The following ERC2 variants were observed in gnomAD, a reference collection of about 807,000 sequenced individuals.
ERC2 encodes ELKS/RAB6-interacting/CAST family member 2.
Under a neutral mutation model 114.8 loss-of-function variants are expected in ERC2, and 42 were observed. The ratio of observed to expected loss-of-function variants is 0.37; its 90% CI spans 0.29 to 0.47. The LOEUF (loss-of-function observed/expected upper bound fraction) is 0.47. Ranked by LOEUF, ERC2 falls within the 20% of genes least tolerant of loss-of-function variation. The pLI is 0.99. For missense variants in ERC2, 939 were observed against 1,150.7 expected (o/e 0.82, Z 2.66); for synonymous variants, 454 against 425.5 (o/e 1.07, Z -0.82).
chr3:55,817,430 C>A lies in ERC2; in HGVS notation c.2564+70959G>T, dbSNP rs566389771. Among the ~76,000 whole-genome samples the A allele has an allele frequency of 2.5e-3, 376 of 152,364 alleles. 1 individual carries two copies. The highest frequency in any genetic ancestry group is 8.6e-3 in the African/African-American group (357 of 41,592). Reference sequence around the variant, plus strand: ...CCACAGCATCCCCAATTGGACACTCCTGAGAGTTCACCCAAGGGATGGGCG... The same window carrying A: ...CCACAGCATCCCCAATTGGACACTCATGAGAGTTCACCCAAGGGATGGGCG... On this transcript the variant is annotated intron_variant, in intron 14 of 17. Coordinates refer to ENST00000288221, the MANE Select transcript of ERC2 (RefSeq NM_015576.3).
chr3:56,273,455 G>C (rs945742242), intron 3 of ERC2, among the ~76,000 whole-genome samples: 1 of 151,752 alleles, frequency 6.6e-6, no homozygotes, highest in Non-Finnish European at 1.5e-5. Context: ...ATGTTGCCCA[G>C]GCTGGTCTCA....
At chr3:55,820,001 G>A (rs2060061768) in intron 14 of ERC2, among the ~76,000 whole-genome samples, 1 of 152,180 alleles carries the variant, frequency 6.6e-6, no homozygotes, top group Non-Finnish European at 1.5e-5. Context: ...CTCACTTTGA[G>A]GGGGCAAGTG....
chr3:56,232,217 C>T (rs531364933), intron 3 of ERC2, among the ~76,000 whole-genome samples: 80 of 151,392 alleles, frequency 5.3e-4, no homozygotes, highest in African/African-American at 1.8e-3. Flanking sequence ...AATCCTCCTG[C>T]CTCAGTCTCC....
chr3:56,268,172 T>C (rs191046622), intron 3 of ERC2, among the ~76,000 whole-genome samples: 30 of 152,302 alleles, frequency 2.0e-4, no homozygotes, highest in Admixed American at 1.1e-3. Context: ...TTTCTATGTT[T>C]AGAAATATTT....
intron 15 of ERC2, among the ~76,000 whole-genome samples, chr3:55,729,677 A>G (rs1169156336): frequency 6.6e-6 from 1 of 151,564 alleles, no homozygotes. Flanking sequence ...CTTCTAAAAA[A>G]TAATAATAAA....
Position 55,829,079 on chromosome 3 carries a change from C to T in ERC2, c.2564+59310G>A, listed in dbSNP as rs905688599. Among the ~76,000 whole-genome samples the T allele has an allele frequency of 2.0e-5, 3 of 152,104 alleles. No homozygotes were observed. In the East Asian group the frequency reaches 5.8e-4, roughly 29 times the overall value. ...CCAGGAAGTTGAGGCTGCACTGAGG[C>T]ATGATTGTGTCACTGTACTCCAGCC... On this transcript the variant is annotated intron_variant, in intron 14 of 17. Coordinates refer to ENST00000288221, the MANE Select transcript of ERC2 (RefSeq NM_015576.3).
intron 3 of ERC2, among the ~76,000 whole-genome samples, chr3:56,222,971 C>T (rs2050015059): frequency 6.6e-6 from 1 of 152,228 alleles, no homozygotes; most frequent in South Asian, 2.1e-4. Context: ...GACCATCATA[C>T]TTGTCTCCTC....
At chr3:56,043,295 G>C (rs1374313891) in intron 7 of ERC2, among the ~76,000 whole-genome samples, 2 of 151,982 alleles carry the variant, frequency 1.3e-5, no homozygotes, top group Non-Finnish European at 2.9e-5. Context: ...GTACACAAGG[G>C]GATCATTGTG....
At chr3:55,579,609 T>A (rs2057156926) in intron 17 of ERC2, among the ~76,000 whole-genome samples, 1 of 152,242 alleles carries the variant, frequency 6.6e-6, no homozygotes, top group Non-Finnish European at 1.5e-5. Flanking sequence ...CCTGTCAAAA[T>A]GCAAAGCTCT....
intron 5 of ERC2, among the ~76,000 whole-genome samples, chr3:56,146,740 C>T (rs1163169941): frequency 1.3e-5 from 2 of 152,146 alleles, no homozygotes; most frequent in Non-Finnish European, 1.5e-5. Flanking sequence ...TTGGTCACTC[C>T]TCAAGTCACT....
intron 14 of ERC2, among the ~76,000 whole-genome samples, chr3:55,790,972 G>A (rs1054108290): frequency 6.6e-6 from 1 of 152,230 alleles, no homozygotes; most frequent in Non-Finnish European, 1.5e-5. Flanking sequence ...GTGTGAGTTT[G>A]GGCAGGGGTG....
At chr3:56,369,043 T>G (rs2150581286) in intron 2 of ERC2, among the ~76,000 whole-genome samples, 1 of 152,276 alleles carries the variant, frequency 6.6e-6, no homozygotes, top group South Asian at 2.1e-4. Context: ...AGCACACAGC[T>G]GATGACCTCA....
At chr3:56,010,421 T>A (rs753506388) in intron 9 of ERC2, 28 bp downstream of exon 9, 2 of 1,609,544 alleles carry the variant, frequency 1.2e-6, no homozygotes, top group Non-Finnish European at 1.7e-6. Flanking sequence ...GGACTATCAA[T>A]GTGGTTCATT....
At chr3:55,748,655 G>T (rs1220089882) in intron 14 of ERC2, among the ~76,000 whole-genome samples, 1 of 152,208 alleles carries the variant, frequency 6.6e-6, no homozygotes, top group Admixed American at 6.5e-5. Flanking sequence ...GCTGGGCAAA[G>T]AATCCATGTG....
intron 14 of ERC2, among the ~76,000 whole-genome samples, chr3:55,810,483 G>C (rs1451220546): frequency 7.4e-6 from 1 of 135,780 alleles, no homozygotes; most frequent in Non-Finnish European, 1.6e-5. Flanking sequence ...TTTTGTTTGA[G>C]ACGGAGTTTT....
chr3:55,559,646 GC>G (rs2055867714), intron 17 of ERC2, among the ~76,000 whole-genome samples: 2 of 152,342 alleles, frequency 1.3e-5, no homozygotes, highest in African/African-American at 4.8e-5. Flanking sequence ...CTAGATCCCT[GC>G]AAAACTCCCC....
At chr3:55,985,900 T>G in intron 12 of ERC2, 77 bp downstream of exon 12, 1 of 1,274,930 alleles carries the variant, frequency 7.8e-7, no homozygotes. Flanking sequence ...TTCAGAAATG[T>G]GTTTGTTAAA....
At chr3:56,426,131 T>C (rs998448443) in intron 2 of ERC2, among the ~76,000 whole-genome samples, 2 of 152,340 alleles carry the variant, frequency 1.3e-5, no homozygotes, top group South Asian at 4.1e-4. Context: ...TTGGGTTTCA[T>C]TGGCCAGATA....
chr3:56,079,363 G>A (rs1177952700), intron 7 of ERC2, among the ~76,000 whole-genome samples: 1 of 152,050 alleles, frequency 6.6e-6, no homozygotes, highest in South Asian at 2.1e-4. Context: ...TACCACAATG[G>A]GCAGCACGGG....
Sources: allele counts gnomAD v4.1 joint callset (sites outside exome capture counted in the v4.1 genomes callset), GRCh38; gene constraint gnomAD v4.1.1; transcripts MANE v1.5; gene names NCBI Gene and HGNC (gene_info 2026-07-23, HGNC 2026-07-21).